Variants in CD209 observed in about 807,000 individuals in gnomAD.
CD209 encodes CD209 molecule.
Under a neutral mutation model 44.7 loss-of-function variants are expected in CD209, and 31 were observed. The ratio of observed to expected loss-of-function variants is 0.69; its 90% CI spans 0.52 to 0.94. The LOEUF (loss-of-function observed/expected upper bound fraction) is 0.94, where lower values mean the gene tolerates loss of function less well. Among genes scored for constraint, CD209 ranks in the 40% least tolerant of loss-of-function variants. The pLI is 0.00. For missense variants in CD209, 407 were observed against 452.4 expected (o/e 0.90, Z 0.91); for synonymous variants, 173 against 181.3 (o/e 0.95, Z 0.37).
In CD209 at chr19:7,743,027, G is replaced by A. The variant is rs763850707; in HGVS notation, c.*12C>T. 5.6e-5 allele frequency: 89 copies of A among 1,591,790 alleles called. No individual in the cohort carries two copies. The highest frequency in any genetic ancestry group is 7.2e-5 in the Non-Finnish European group (84 of 1,160,338). ...GAGAAGGAACTGTAGCTTAAAAGGG[G>A]GTGAAGTTCTGCTACGCAGGAGGGG... On this transcript the variant is annotated 3_prime_UTR_variant, in exon 7 of 7. Transcript: ENST00000315599.
In CD209 at chr19:7,740,408, C is replaced by A; in HGVS notation, c.*2631G>T. ...CTGAATCTGCGGTTACAATGTTTAC[C>A]AGTTTATTATAAAGGATACAACTAG... is the stretch of plus-strand genomic sequence containing the variant. On this transcript the variant is annotated 3_prime_UTR_variant, in exon 7 of 7. Coordinates refer to ENST00000315599, the MANE Select transcript of CD209 (RefSeq NM_021155.4). The A allele has an allele frequency of 1.6e-6, 1 of 615,920 alleles. No homozygotes were observed. 38.2% of individuals were successfully genotyped at this position (615,920 alleles called of 1,614,324 possible).
chr19:7,745,382 G>T, intron 4 of CD209, 136 bp downstream of exon 4: 1 of 1,510,878 alleles, frequency 6.6e-7, no homozygotes, highest in Non-Finnish European at 9.0e-7. Context: ...TGAACACTGA[G>T]GGCAATGATC....
chr19:7,744,400 G>A (rs1409554838), intron 5 of CD209, among the ~76,000 whole-genome samples, 181 bp from the exon 6 acceptor site: 1 of 152,184 alleles, frequency 6.6e-6, no homozygotes, highest in African/African-American at 2.4e-5. Flanking sequence ...CATGTGTCCT[G>A]ACATGCACAC....
In CD209 at chr19:7,747,312, A is replaced by T. The variant is rs1240511094; in HGVS notation, c.100T>A (p.Leu34Ile). Reference sequence around the variant, plus strand: ...ACTGCTAAGTCCTCTCTACCTGCTAAGCTCTTGTATCCTCGAGTCTGTCGG... The same window carrying T: ...ACTGCTAAGTCCTCTCTACCTGCTATGCTCTTGTATCCTCGAGTCTGTCGG... Reference protein sequence around the residue: ...GFRQTRGYKSLAGCLGHGPLV... With the variant: ...GFRQTRGYKSIAGCLGHGPLV... The change falls in exon 2 of 7, where the codon TTA (leucine) becomes ATA (isoleucine). Residue 34 changes from leucine (L) to isoleucine (I), a missense_variant. Physicochemically the swap from Leu to Ile is conservative, Grantham distance 5. Coordinates refer to ENST00000315599, the MANE Select transcript of CD209 (RefSeq NM_021155.4). 2.5e-6 allele frequency: 4 copies of T among 1,614,082 alleles called. No individual in the cohort carries two copies. Among genetic ancestry groups the T allele is most frequent in the Non-Finnish European group, 3.4e-6 (4 of 1,180,046 alleles).
Position 7,740,638 on chromosome 19 carries a change from G to A in CD209, c.*2401C>T. 1.3e-6 allele frequency: 1 copy of A among 782,812 alleles called. No individual in the cohort carries two copies. The highest frequency in any genetic ancestry group is 2.4e-6 in the Non-Finnish European group (1 of 422,626). The allele number at this position is 782,812 out of a possible 1,614,324, so 48.5% of individuals were successfully genotyped here. ...AAACAACAACTAGAAAAGCTATGGG[G>A]AAGAGAGAGGCAAAGATTACATGAG... is the stretch of plus-strand genomic sequence containing the variant. On this transcript the variant is annotated 3_prime_UTR_variant, in exon 7 of 7. Transcript: ENST00000315599.
chr19:7,747,104 C>A (rs2033863606), intron 2 of CD209, among the ~76,000 whole-genome samples: 1 of 151,980 alleles, frequency 6.6e-6, no homozygotes, highest in South Asian at 2.1e-4. Flanking sequence ...TCCCCAGAAC[C>A]CAGGAGTCTT....
intron 2 of CD209, among the ~76,000 whole-genome samples, chr19:7,746,760 T>A (rs2033845208): frequency 1.1e-5 from 1 of 94,624 alleles, no homozygotes; most frequent in African/African-American, 4.3e-5. Flanking sequence ...TGCTTCCACC[T>A]CCCCAGGACC....
At chr19:7,746,664 G>A in intron 2 of CD209, 133 bp from the exon 3 acceptor site, 2 of 832,064 alleles carry the variant, frequency 2.4e-6, no homozygotes, top group Non-Finnish European at 3.9e-6. Context: ...CAACACCTGG[G>A]AATCCAGGCC....
In CD209 at chr19:7,740,230, T is replaced by A; in HGVS notation, c.*2809A>T. The A allele has an allele frequency of 2.6e-6, 1 of 382,374 alleles. No individual in the cohort carries two copies. The highest frequency in any genetic ancestry group is 4.8e-6 in the Non-Finnish European group (1 of 207,408). The allele number at this position is 382,374 out of a possible 1,614,324, so 23.7% of individuals were successfully genotyped here. On this transcript the variant is annotated 3_prime_UTR_variant, in exon 7 of 7. Coordinates refer to ENST00000315599, the MANE Select transcript of CD209 (RefSeq NM_021155.4). ...ACGTGGTGTCCACTTCTTAACTCAG[T>A]CCCTGTTCCTCGGTCTGAGCACTTA... is the stretch of plus-strand genomic sequence containing the variant.
rs952894024 is a variant in CD209, at chr19:7,744,177, A to T, written c.943T>A (p.Trp315Arg). ...TGATTTAGATCTGAAAGTCCCATCC[A>T]GGTGAAGCGGTTACTTCTGGAAGAC... ...LQSSRSNRFT[W>R]MGLSDLNQEG... The change falls in exon 6 of 7, where the codon TGG becomes AGG. Residue 315 changes from tryptophan to arginine, a missense_variant. This residue lies in a region of CD209 where 200 missense variants were observed against 202.2 expected (regional missense o/e 0.99). Coordinates refer to ENST00000315599, the MANE Select transcript of CD209 (RefSeq NM_021155.4). 1 of 1,614,102 alleles carries T rather than the reference A, an allele frequency of 6.2e-7. No individual in the cohort carries two copies. Among genetic ancestry groups the T allele is most frequent in the Non-Finnish European group, 8.5e-7 (1 of 1,180,028 alleles).
chr19:7,745,385 C>A, intron 4 of CD209, 133 bp downstream of exon 4: 6 of 1,523,506 alleles, frequency 3.9e-6, no homozygotes, highest in Non-Finnish European at 5.3e-6. Context: ...ACACTGAGGG[C>A]AATGATCACA....
In CD209 at chr19:7,746,375, C is replaced by T. The variant is rs2033823402; in HGVS notation, c.178+85G>A. 6.2e-6 allele frequency: 9 copies of T among 1,458,352 alleles called. No individual in the cohort carries two copies. In the East Asian group the frequency reaches 2.0e-4, roughly 33 times the overall value. 90.3% of individuals were successfully genotyped at this position (1,458,352 alleles called of 1,614,324 possible). On this transcript the variant is annotated intron_variant, in intron 3 of 6. Transcript: ENST00000315599. ...AACATCTTGGCTCTCAGTCCCACCTCCCTCCCAGATCTGGCAGCCCCAGGC... is the reference window on the plus strand; with the variant it reads ...AACATCTTGGCTCTCAGTCCCACCTTCCTCCCAGATCTGGCAGCCCCAGGC...
Position 7,742,518 on chromosome 19 carries a change from C to G in CD209, c.*521G>C, listed in dbSNP as rs1201405959. ...CAACTTAGAAACAGCCAAATGGAAG[C>G]CATGTATAAGACAAAGGAAGATGTG... On this transcript the variant is annotated 3_prime_UTR_variant, in exon 7 of 7. Transcript: ENST00000315599. 1.3e-5 allele frequency: 2 copies of G among 154,676 alleles called. No homozygotes were observed. The highest frequency in any genetic ancestry group is 6.3e-5 in the Admixed American group (1 of 15,844). 9.6% of individuals were successfully genotyped at this position (154,676 alleles called of 1,614,324 possible).
chr19:7,747,314 C>T lies in CD209; in HGVS notation c.98G>A (p.Ser33Asn), dbSNP rs747349194. The stretch of plus-strand genomic sequence containing the variant: ...TGCTAAGTCCTCTCTACCTGCTAAG[C>T]TCTTGTATCCTCGAGTCTGTCGGAA... ...LGFRQTRGYK[S>N]LAGCLGHGPL... is the part of the protein sequence containing the mutation. The change falls in exon 2 of 7, where the codon AGC becomes AAC. Residue 33 changes from serine to asparagine, a missense_variant. Transcript: ENST00000315599. 17 of 1,614,134 alleles carry T rather than the reference C, an allele frequency of 1.1e-5. No individual in the cohort carries two copies. Among genetic ancestry groups the T allele is most frequent in the Admixed American group, 8.3e-5 (5 of 60,006 alleles).
rs553008652 is a variant in CD209, at chr19:7,743,156, G to A, written c.1098C>T (p.Asp366=). 480 of 1,614,098 alleles carry A rather than the reference G, an allele frequency of 3.0e-4. 6 individuals are homozygous for A. The South Asian group carries it at 4.8e-3, about 16-fold the overall frequency. ...AGAATTTGGCAAGATTACATTTGTC[G>A]TCGTTCCAGCCATTGCCACTAAATT... is the stretch of plus-strand genomic sequence containing the variant. ...CAEFSGNGWN[D]DKCNLAKFWI... is the part of the protein sequence containing the mutation. Residue 366 remains aspartate, a synonymous_variant, in exon 7 of 7, where the codon GAC becomes GAT. Transcript: ENST00000315599.
chr19:7,746,377 C>T (rs2033823647), intron 3 of CD209, 83 bp downstream of exon 3: 18 of 1,475,798 alleles, frequency 1.2e-5, no homozygotes, highest in East Asian at 2.3e-5. Flanking sequence ...TCCCACCTCC[C>T]TCCCAGATCT....
At chr19:7,745,204 G>A (rs1055489413) in intron 4 of CD209, 112 bp from the exon 5 acceptor site, 74 of 1,400,260 alleles carry the variant, frequency 5.3e-5, no homozygotes, top group South Asian at 1.5e-4. Context: ...TGTCCACGCC[G>A]GGTAGACCAT....
rs907801445 is a variant in CD209 at position 7,746,528 on chromosome 19, C to A, written c.110G>T (p.Cys37Phe). Residue 37 changes from cysteine to phenylalanine, a missense_variant, in exon 3 of 7, where the codon TGT (cysteine) becomes TTT (phenylalanine). Transcript: ENST00000315599. Reference protein sequence around the residue: ...QTRGYKSLAGCLGHGPLVLQL... With the variant: ...QTRGYKSLAGFLGHGPLVLQL... ...CAGCACCAGGGGACCATGGCCAAGA[C>A]ACCCTGAGAGAGGATACATGCGTCA... The A allele has an allele frequency of 6.2e-7, 1 of 1,613,806 alleles. No homozygotes were observed. Among genetic ancestry groups the A allele is most frequent in the Non-Finnish European group, 8.5e-7 (1 of 1,179,786 alleles).
rs1336589845 is a variant in CD209, at chr19:7,743,025, G to C, written c.*14C>G. 1 of 1,587,588 alleles carries C rather than the reference G, an allele frequency of 6.3e-7. No individual in the cohort carries two copies. Among genetic ancestry groups the C allele is most frequent in the Admixed American group, 1.7e-5 (1 of 59,928 alleles). ...GAGAGAAGGAACTGTAGCTTAAAAG[G>C]GGGTGAAGTTCTGCTACGCAGGAGG... is the stretch of plus-strand genomic sequence containing the variant. On this transcript the variant is annotated 3_prime_UTR_variant, in exon 7 of 7. Transcript: ENST00000315599.
Sources: allele counts gnomAD v4.1 joint callset (sites outside exome capture counted in the v4.1 genomes callset), GRCh38; gene constraint gnomAD v4.1.1; regional missense constraint gnomAD v4.1.1; transcripts MANE v1.5; gene names NCBI Gene and HGNC (gene_info 2026-07-23, HGNC 2026-07-21).